The following NUDCD1 variants were observed in gnomAD, a reference collection of about 807,000 sequenced individuals.
NUDCD1 encodes the protein nudC domain-containing protein 1.
A neutral mutation model predicts 67.8 loss-of-function variants in NUDCD1; 60 were observed. The observed-to-expected ratio is 0.88, with a 90% CI of 0.72 to 1.10. NUDCD1 has a LOEUF of 1.10. Ranked by LOEUF, NUDCD1 falls within the 50% of genes least tolerant of loss-of-function variation. The pLI, the probability that NUDCD1 is intolerant of heterozygous loss-of-function variation, is 0.00. For synonymous variants in NUDCD1, 244 were observed against 230.8 expected (o/e 1.06, Z -0.52); for missense variants, 643 against 695.0 (o/e 0.93, Z 0.84).
At chr8:109,284,450 C>A (rs1354306139) in intron 5 of NUDCD1, among the ~76,000 whole-genome samples, 2 of 152,032 alleles carry the variant, frequency 1.3e-5, no homozygotes, top group Non-Finnish European at 2.9e-5. Context: ...CTACAGAATA[C>A]CCCACCCATC....
intron 1 of NUDCD1, among the ~76,000 whole-genome samples, chr8:109,327,220 G>A (rs76859018): frequency 0.032 from 4,905 of 152,200 alleles, 100 homozygotes; most frequent in Middle Eastern, 0.11. Flanking sequence ...TAAAGAACAC[G>A]GGAGGACCAG....
chr8:109,328,127 C>T (rs574299223), intron 1 of NUDCD1, among the ~76,000 whole-genome samples: 1 of 152,252 alleles, frequency 6.6e-6, no homozygotes, highest in Admixed American at 6.5e-5. Flanking sequence ...AGACATCAGA[C>T]ATAAAACAAC....
intron 9 of NUDCD1, among the ~76,000 whole-genome samples, chr8:109,243,997 AAAC>A (rs1174933621): frequency 1.3e-5 from 2 of 152,116 alleles, no homozygotes; most frequent in Non-Finnish European, 2.9e-5. Flanking sequence ...TTTTGGATTA[AAAC>A]AACATTTATA....
At chr8:109,332,151 T>C (rs764640894) in intron 1 of NUDCD1, among the ~76,000 whole-genome samples, 2 of 152,008 alleles carry the variant, frequency 1.3e-5, no homozygotes, top group Non-Finnish European at 2.9e-5. Flanking sequence ...CATAGTCTAG[T>C]GGAGGAAACA....
chr8:109,317,281 T>G (rs547410654), intron 2 of NUDCD1, among the ~76,000 whole-genome samples: 13 of 152,162 alleles, frequency 8.5e-5, no homozygotes, highest in Non-Finnish European at 1.8e-4. Context: ...TTTGGGAGAC[T>G]GAGGCAGGCG....
At chr8:109,305,415 A>C (rs2980630) in intron 2 of NUDCD1, among the ~76,000 whole-genome samples, 96,724 of 151,866 alleles carry the variant, frequency 0.64, 32,267 homozygotes, top group African/African-American at 0.84. Context: ...TTCAGTGGAA[A>C]CTTCATACCC....
intron 2 of NUDCD1, chr8:109,315,964 T>C (rs1045356902): frequency 1.3e-5 from 2 of 152,160 alleles, no homozygotes; most frequent in Admixed American, 6.5e-5. Flanking sequence ...CTCACACATA[T>C]ATTCTTACAA....
Position 109,296,516 on chromosome 8 carries a change from T to C in NUDCD1, c.327A>G (p.Thr109=). The C allele has an allele frequency of 6.2e-7, 1 of 1,612,264 alleles. No individual in the cohort carries two copies. The highest frequency in any genetic ancestry group is 1.3e-5 in the African/African-American group (1 of 75,038). ...REVFRLPTDL[T]ACDNRLCASI... is the part of the protein sequence containing the mutation. ...ATGCACAAAGACGGTTGTCACATGC[T>C]GTCAAATCTGTAGGAAGTCGAAACA... Residue 109 remains threonine, a synonymous_variant, in exon 3 of 10, where the codon ACA becomes ACG. Transcript: ENST00000239690.
At chr8:109,293,134 T>C (rs1052058423) in intron 4 of NUDCD1, among the ~76,000 whole-genome samples, 3 of 152,088 alleles carry the variant, frequency 2.0e-5, no homozygotes, top group Non-Finnish European at 4.4e-5. Flanking sequence ...AAAGGCATAA[T>C]TGGCTGTGGA....
At chr8:109,247,422 T>C (rs944064920) in intron 8 of NUDCD1, among the ~76,000 whole-genome samples, 2 of 152,144 alleles carry the variant, frequency 1.3e-5, no homozygotes, top group Non-Finnish European at 2.9e-5. Context: ...GAGAAAAGAA[T>C]AGAGGACCTT....
chr8:109,326,065 T>C (rs1815674834), intron 1 of NUDCD1, among the ~76,000 whole-genome samples: 1 of 152,308 alleles, frequency 6.6e-6, no homozygotes, highest in East Asian at 1.9e-4. Flanking sequence ...GAAAACTGCA[T>C]GGTAACATAA....
At chr8:109,252,857 A>G (rs1813652209) in intron 8 of NUDCD1, among the ~76,000 whole-genome samples, 1 of 152,206 alleles carries the variant, frequency 6.6e-6, no homozygotes, top group South Asian at 2.1e-4. Context: ...TTTTATTACA[A>G]TGGGCGTGAC....
At chr8:109,323,240 T>C (rs1271092214) in intron 1 of NUDCD1, among the ~76,000 whole-genome samples, 2 of 152,136 alleles carry the variant, frequency 1.3e-5, no homozygotes, top group Non-Finnish European at 2.9e-5. Flanking sequence ...TACCCTAATA[T>C]AAAACTCACT....
intron 7 of NUDCD1, among the ~76,000 whole-genome samples, chr8:109,271,352 G>A (rs1280544620): frequency 6.6e-6 from 1 of 152,124 alleles, no homozygotes; most frequent in Non-Finnish European, 1.5e-5. Flanking sequence ...ACTCAAAGAT[G>A]TAAAGGAAAA....
chr8:109,252,110 C>G (rs1035298407), intron 8 of NUDCD1, among the ~76,000 whole-genome samples: 1 of 152,102 alleles, frequency 6.6e-6, no homozygotes, highest in Non-Finnish European at 1.5e-5. Flanking sequence ...CTTGCTTCCT[C>G]TCTAGTGGTA....
intron 2 of NUDCD1, among the ~76,000 whole-genome samples, chr8:109,320,772 G>A (rs543444984): frequency 5.3e-5 from 8 of 152,204 alleles, no homozygotes; most frequent in Non-Finnish European, 7.3e-5. Context: ...AATTTGGGGA[G>A]CTAATATATG....
intron 8 of NUDCD1, among the ~76,000 whole-genome samples, chr8:109,246,221 C>A (rs543955679): frequency 6.6e-6 from 1 of 152,184 alleles, no homozygotes; most frequent in Non-Finnish European, 1.5e-5. Context: ...AGAATACACA[C>A]ATGAAGTTTA....
intron 8 of NUDCD1, 43 bp from the exon 9 acceptor site, chr8:109,245,524 A>G (rs1167165950): frequency 6.7e-7 from 1 of 1,488,564 alleles, no homozygotes; most frequent in Non-Finnish European, 9.2e-7. Flanking sequence ...CAACAAATTA[A>G]TAATAGCAAC....
chr8:109,275,154 A>AT (rs1814252520), intron 7 of NUDCD1, among the ~76,000 whole-genome samples, 198 bp downstream of exon 7: 1 of 152,152 alleles, frequency 6.6e-6, no homozygotes, highest in Non-Finnish European at 1.5e-5. Context: ...ATGACCACAC[A>AT]TATATGTATG....
Sources: allele counts gnomAD v4.1 joint callset (sites outside exome capture counted in the v4.1 genomes callset), GRCh38; gene constraint gnomAD v4.1.1; transcripts MANE v1.5; gene names NCBI Gene and HGNC (gene_info 2026-07-23, HGNC 2026-07-21).